The following TTC19 variants were observed in gnomAD, a reference collection of about 807,000 sequenced individuals.
The protein encoded by TTC19 is tetratricopeptide repeat domain 19, also known as tetratricopeptide repeat protein 19, mitochondrial.
Under a neutral mutation model 49.5 loss-of-function variants are expected in TTC19, and 38 were observed. The observed-to-expected ratio is 0.77, with a 90% CI of 0.59 to 1.01. The LOEUF is 1.01. TTC19 is among the 50% of genes least tolerant of loss of function. The pLI is 0.00. For missense variants in TTC19, 475 were observed against 477.7 expected (o/e 0.99, Z 0.05); for synonymous variants, 204 against 185.2 (o/e 1.10, Z -0.83).
intron 7 of TTC19, among the ~76,000 whole-genome samples, chr17:16,020,329 C>A (rs539373291): frequency 6.6e-6 from 1 of 152,116 alleles, no homozygotes; most frequent in East Asian, 1.9e-4. Context: ...AAAATTATTT[C>A]TTCATATCTT....
chr17:16,001,986 G>GA lies in TTC19; in HGVS notation c.385dup (p.Thr129AsnfsTer2). ...ATGACGCTCTTCGTCTCGCCTATCAGACTGATAACAAGAAGGCCATCACTT... is the reference window on the plus strand; with the variant it reads ...ATGACGCTCTTCGTCTCGCCTATCAGAACTGATAACAAGAAGGCCATCACTT... On this transcript the variant is annotated frameshift_variant, in exon 3 of 10. Coordinates refer to ENST00000261647, the MANE Select transcript of TTC19 (RefSeq NM_017775.4). LOFTEE classifies it high-confidence loss of function. The GA allele has an allele frequency of 6.2e-7, 1 of 1,613,238 alleles. No homozygotes were observed. Among genetic ancestry groups the GA allele is most frequent in the Non-Finnish European group, 8.5e-7 (1 of 1,179,990 alleles).
intron 9 of TTC19, 60 bp downstream of exon 9, chr17:16,026,762 A>T (rs1463391308): frequency 1.3e-6 from 2 of 1,581,400 alleles, no homozygotes; most frequent in South Asian, 1.1e-5. Flanking sequence ...CTGGATTGAT[A>T]GATTTGTGAA....
At chr17:16,044,330 C>T in intron 2 of TTC19, 1 of 466,392 alleles carries the variant, frequency 2.1e-6, no homozygotes, top group South Asian at 1.6e-5. Flanking sequence ...GACACTGGCT[C>T]ATCCTTTTTT....
rs759597611 is a variant in TTC19, at chr17:16,027,597, G to C, written c.*75G>C. On this transcript the variant is annotated 3_prime_UTR_variant, in exon 10 of 10. Coordinates refer to ENST00000261647, the MANE Select transcript of TTC19 (RefSeq NM_017775.4). ...TATCATTCCTGTCTCTGTGGCACCC[G>C]ATCAATGGCTTAAATCTGTCGTTTT... 1.8e-5 allele frequency: 27 copies of C among 1,539,392 alleles called. No individual in the cohort carries two copies. The highest frequency in any genetic ancestry group is 2.3e-5 in the Non-Finnish European group (26 of 1,117,536).
chr17:16,013,857 T>G (rs1440298965), intron 7 of TTC19, among the ~76,000 whole-genome samples: 3 of 152,220 alleles, frequency 2.0e-5, no homozygotes, highest in Non-Finnish European at 4.4e-5. Flanking sequence ...TTGGGGAGAT[T>G]GCCATCTGAA....
chr17:16,044,729 G>A (rs1456645367), exon 3 of TTC19: 2 of 746,088 alleles, frequency 2.7e-6, no homozygotes, highest in African/African-American at 1.7e-5. Context: ...AGCAGCTGGT[G>A]TAAATGTTGA....
At chr17:16,042,774 T>C (rs536694932) in intron 2 of TTC19, among the ~76,000 whole-genome samples, 1 of 152,234 alleles carries the variant, frequency 6.6e-6, no homozygotes, top group East Asian at 1.9e-4. Flanking sequence ...GAGGAACTTT[T>C]TGTATGGGGA....
downstream of TTC19, among the ~76,000 whole-genome samples, chr17:16,033,799 G>T (rs143541854): frequency 3.0e-4 from 45 of 152,234 alleles, no homozygotes; most frequent in Middle Eastern, 3.4e-3. Flanking sequence ...CGTACAGACA[G>T]ATGATGGCTT....
chr17:16,031,859 T>G (rs748718494), downstream of TTC19: 1 of 233,850 alleles, frequency 4.3e-6, no homozygotes, highest in African/African-American at 2.2e-5. Context: ...AAAAGATAGA[T>G]AGACAAAAAG....
At chr17:16,026,350 A>G (rs1192637459) in intron 8 of TTC19, among the ~76,000 whole-genome samples, 190 bp from the exon 9 acceptor site, 1 of 152,162 alleles carries the variant, frequency 6.6e-6, no homozygotes, top group East Asian at 1.9e-4. Flanking sequence ...GGTCGAACTA[A>G]CATTGTCCAC....
At chr17:16,036,833 A>C (rs1208036021) in intron 2 of TTC19, among the ~76,000 whole-genome samples, 1 of 152,214 alleles carries the variant, frequency 6.6e-6, no homozygotes, top group South Asian at 2.1e-4. Flanking sequence ...TGTGTCACGA[A>C]ACACTGTTTT....
In TTC19 at chr17:16,000,002, C is replaced by G. The variant is rs1970665610; in HGVS notation, c.154C>G (p.Arg52Gly). 2 of 1,255,828 alleles carry G rather than the reference C, an allele frequency of 1.6e-6. No homozygotes were observed. Among genetic ancestry groups the G allele is most frequent in the African/African-American group, 1.6e-5 (1 of 63,430 alleles). The allele number at this position is 1,255,828 out of a possible 1,614,324, so 77.8% of individuals were successfully genotyped here. ...VPPSRVAPHG[R>G]GPGLLPLLAA... ...GCCATCCCGAGTCGCGCCGCACGGCCGGGGCCCAGGCCTGCTGCCGCTGCT... is the reference window on the plus strand; with the variant it reads ...GCCATCCCGAGTCGCGCCGCACGGCGGGGGCCCAGGCCTGCTGCCGCTGCT... Residue 52 changes from arginine (R) to glycine (G), a missense_variant, in exon 1 of 10, where the codon CGG (arginine) becomes GGG (glycine). By Grantham distance (125) the Arg-to-Gly change is moderately radical. Coordinates refer to ENST00000261647, the MANE Select transcript of TTC19 (RefSeq NM_017775.4).
intron 2 of TTC19, among the ~76,000 whole-genome samples, chr17:16,037,592 A>G (rs1019538977): frequency 1.3e-5 from 2 of 152,202 alleles, no homozygotes; most frequent in African/African-American, 4.8e-5. Context: ...AGAAACTACT[A>G]AAGAAAGAAG....
intron 7 of TTC19, among the ~76,000 whole-genome samples, chr17:16,014,302 C>T (rs978554404): frequency 3.9e-5 from 6 of 152,224 alleles, no homozygotes; most frequent in Admixed American, 1.3e-4. Flanking sequence ...GGCTAAAATA[C>T]ATCAGTCTCC....
downstream of TTC19, chr17:16,032,488 C>T: frequency 6.4e-7 from 1 of 1,555,884 alleles, no homozygotes; most frequent in Non-Finnish European, 8.7e-7. Flanking sequence ...TTGAGCCTGA[C>T]AAAAGAAAAA....
At chr17:16,011,864 T>C (rs545714239) in intron 7 of TTC19, among the ~76,000 whole-genome samples, 1 of 152,184 alleles carries the variant, frequency 6.6e-6, no homozygotes, top group African/African-American at 2.4e-5. Context: ...GAATAATACA[T>C]TGTAGCTGCT....
chr17:16,004,289 C>T (rs748487531), intron 6 of TTC19, 27 bp downstream of exon 6: 3 of 1,606,708 alleles, frequency 1.9e-6, no homozygotes, highest in Non-Finnish European at 2.6e-6. Flanking sequence ...GGGAGTAGGA[C>T]TGTGGGCAGG....
chr17:16,034,709 C>G, intron 2 of TTC19: 3 of 1,438,690 alleles, frequency 2.1e-6, no homozygotes, highest in East Asian at 4.6e-5. Context: ...AACTAATAAC[C>G]AAGACATTGA....
At chr17:16,014,726 A>G (rs528044704) in intron 7 of TTC19, among the ~76,000 whole-genome samples, 1 of 152,286 alleles carries the variant, frequency 6.6e-6, no homozygotes, top group Non-Finnish European at 1.5e-5. Context: ...TGAAATCTGA[A>G]ACACTTTTGG....
Sources: gnomAD v4.1 joint callset for allele counts (sites outside exome capture counted in the v4.1 genomes callset) on GRCh38, gnomAD v4.1.1 for gene constraint, MANE v1.5 for transcripts, NCBI Gene and HGNC (gene_info 2026-07-23, HGNC 2026-07-21) for gene names.